ABHD12: variants seen among roughly 807,000 people sequenced by gnomAD.
The protein encoded by ABHD12 is abhydrolase domain containing 12, lysophospholipase, also known as lysophosphatidylserine lipase ABHD12.
ABHD12 carries 43 observed loss-of-function variants against 58.3 expected under a neutral mutation model. The observed-to-expected ratio is 0.74, with a 90% confidence interval of 0.58 to 0.95. ABHD12 has a LOEUF of 0.95. Among genes scored for constraint, ABHD12 ranks in the 40% least tolerant of loss-of-function variants. The pLI is 0.00. For missense variants in ABHD12, 539 were observed against 537.2 expected (o/e 1.00, Z -0.03); for synonymous variants, 219 against 211.2 (o/e 1.04, Z -0.32).
At position 25,390,818 on chromosome 20, in the gene ABHD12, C is replaced by T; in HGVS notation, c.-115G>A. 4.5e-6 allele frequency: 3 copies of T among 664,636 alleles called. No individual in the cohort carries two copies. The highest frequency in any genetic ancestry group is 6.1e-6 in the Non-Finnish European group (3 of 490,864). 41.2% of individuals were successfully genotyped at this position (664,636 alleles called of 1,614,324 possible). On this transcript the variant is annotated 5_prime_UTR_variant, in exon 1 of 13. Coordinates refer to ENST00000339157, the MANE Select transcript of ABHD12 (RefSeq NM_001042472.3). ...GCCCGGAACCCGCCGCTCCTCACAT[C>T]CCAGCCCAGGCCGCTGCGCCGGCTA...
At chr20:25,378,675 T>C (rs188665873) in intron 1 of ABHD12, among the ~76,000 whole-genome samples, 4 of 150,722 alleles carry the variant, frequency 2.7e-5, no homozygotes, top group Admixed American at 6.7e-5. Context: ...ACCAGCCTGA[T>C]AAGAACTGAA....
intron 1 of ABHD12, among the ~76,000 whole-genome samples, chr20:25,383,444 T>G (rs901451279): frequency 2.0e-5 from 3 of 152,230 alleles, no homozygotes; most frequent in Non-Finnish European, 4.4e-5. Context: ...ATCTCATGAC[T>G]GCCTTCTCAG....
At chr20:25,342,236 G>A (rs2089464609) in intron 1 of ABHD12, among the ~76,000 whole-genome samples, 1 of 151,982 alleles carries the variant, frequency 6.6e-6, no homozygotes, top group Non-Finnish European at 1.5e-5. Flanking sequence ...ATACAATGCA[G>A]CAATAAAATG....
At chr20:25,328,370 A>G (rs1429990530) in intron 2 of ABHD12, among the ~76,000 whole-genome samples, 1 of 152,162 alleles carries the variant, frequency 6.6e-6, no homozygotes, top group Non-Finnish European at 1.5e-5. Context: ...CCTCCTCAAT[A>G]CAACTCTGAA....
chr20:25,381,791 G>A (rs2090025560), intron 1 of ABHD12, among the ~76,000 whole-genome samples: 1 of 151,998 alleles, frequency 6.6e-6, no homozygotes, highest in African/African-American at 2.4e-5. Context: ...TCCCTCACCT[G>A]GGATTACAGG....
chr20:25,390,067 G>A (rs2090148766), intron 1 of ABHD12: 1 of 154,150 alleles, frequency 6.5e-6, no homozygotes, highest in South Asian at 2.0e-4. Flanking sequence ...GCGCTCTCAG[G>A]GTCTGGCGCC....
intron 2 of ABHD12, among the ~76,000 whole-genome samples, chr20:25,329,574 A>G (rs947641854): frequency 1.3e-5 from 2 of 152,254 alleles, no homozygotes; most frequent in African/African-American, 4.8e-5. Context: ...GAGTGAATGG[A>G]AAACGACCTG....
intron 2 of ABHD12, among the ~76,000 whole-genome samples, chr20:25,329,737 G>A (rs542823913): frequency 3.7e-4 from 57 of 152,150 alleles, no homozygotes; most frequent in African/African-American, 6.0e-4. Flanking sequence ...CCTTGATACC[G>A]GCAGCCATAA....
At chr20:25,384,189 C>G (rs2090058849) in intron 1 of ABHD12, among the ~76,000 whole-genome samples, 1 of 151,350 alleles carries the variant, frequency 6.6e-6, no homozygotes, top group African/African-American at 2.4e-5. Context: ...CCCAGTACCT[C>G]CTCACACCAG....
intron 1 of ABHD12, among the ~76,000 whole-genome samples, chr20:25,389,004 C>T (rs1404439350): frequency 6.6e-6 from 1 of 151,858 alleles, no homozygotes; most frequent in African/African-American, 2.4e-5. Context: ...CGGGGTTTCT[C>T]CATGTTGGTC....
intron 1 of ABHD12, among the ~76,000 whole-genome samples, chr20:25,350,547 CCAT>C (rs2089584466): frequency 6.6e-6 from 1 of 152,192 alleles, no homozygotes; most frequent in Non-Finnish European, 1.5e-5. Flanking sequence ...TTGCCTTCCA[CCAT>C]GATAGTGAGG....
chr20:25,326,286 C>A (rs2089176441), intron 2 of ABHD12, among the ~76,000 whole-genome samples: 2 of 152,156 alleles, frequency 1.3e-5, no homozygotes, highest in South Asian at 4.1e-4. Flanking sequence ...AAGGCTTTGA[C>A]TGGAATGGCC....
chr20:25,296,527 A>G (rs1472759674), downstream of ABHD12: 4 of 1,610,266 alleles, frequency 2.5e-6, no homozygotes, highest in Admixed American at 1.7e-5. Context: ...GACTAGGCAC[A>G]CCCTGCCTTG....
chr20:25,337,326 A>G (rs1261425399), intron 2 of ABHD12, among the ~76,000 whole-genome samples: 1 of 152,238 alleles, frequency 6.6e-6, no homozygotes, highest in Non-Finnish European at 1.5e-5. Context: ...CCAGTGTGGC[A>G]AACAGGTGGA....
At chr20:25,374,711 G>A (rs1568771370) in intron 1 of ABHD12, among the ~76,000 whole-genome samples, 1 of 152,132 alleles carries the variant, frequency 6.6e-6, no homozygotes, top group Non-Finnish European at 1.5e-5. Context: ...TGTTGGTCAG[G>A]CTGGTCTCAA....
At chr20:25,316,438 C>T (rs1455398392) in intron 5 of ABHD12, among the ~76,000 whole-genome samples, 2 of 152,176 alleles carry the variant, frequency 1.3e-5, no homozygotes. Flanking sequence ...GGATTACAGG[C>T]GTGAGCCACC....
chr20:25,368,549 C>T, intron 1 of ABHD12: 3 of 1,419,058 alleles, frequency 2.1e-6, no homozygotes, highest in Non-Finnish European at 3.0e-6. Flanking sequence ...GGACTTGCCA[C>T]CAGTGCCATT....
intron 4 of ABHD12, among the ~76,000 whole-genome samples, chr20:25,317,562 G>A (rs1369146951): frequency 6.6e-6 from 1 of 152,180 alleles, no homozygotes; most frequent in East Asian, 1.9e-4. Context: ...TTTCCCACCT[G>A]GCACTAACTT....
At chr20:25,313,576 A>G (rs1203054158) in intron 6 of ABHD12, among the ~76,000 whole-genome samples, 1 of 145,016 alleles carries the variant, frequency 6.9e-6, no homozygotes, top group African/African-American at 2.6e-5. Flanking sequence ...AGAATGATCA[A>G]TAAAAATAAA....
Sources: gnomAD v4.1 joint callset for allele counts (sites outside exome capture counted in the v4.1 genomes callset) on GRCh38, gnomAD v4.1.1 for gene constraint, MANE v1.5 for transcripts, NCBI Gene and HGNC (gene_info 2026-07-23, HGNC 2026-07-21) for gene names.